MCC: variants seen among roughly 807,000 people sequenced by gnomAD.
MCC encodes MCC regulator of Wnt signaling pathway.
In MCC, 90 loss-of-function variants were observed where a neutral mutation model predicts 116.2. That is an observed-to-expected ratio of 0.77 (90% CI 0.65 to 0.92). MCC has a LOEUF of 0.92. Ranked by LOEUF, MCC falls within the 40% of genes least tolerant of loss-of-function variation. The pLI is 0.00. For synonymous variants in MCC, 578 were observed against 510.5 expected, an observed-to-expected ratio of 1.13 and a Z score of -1.78; for missense variants, 1,516 against 1,312.2, an observed-to-expected ratio of 1.16 and a Z score of -2.40.
At chr5:113,342,287 G>T (rs981647492) in intron 2 of MCC, among the ~76,000 whole-genome samples, 3 of 152,178 alleles carry the variant, frequency 2.0e-5, no homozygotes, top group African/African-American at 7.2e-5. Flanking sequence ...AGCGAATTGT[G>T]CTGGTATAAA....
intron 6 of MCC, among the ~76,000 whole-genome samples, chr5:113,116,224 G>A (rs973265757): frequency 2.6e-5 from 4 of 152,188 alleles, no homozygotes; most frequent in African/African-American, 9.7e-5. Context: ...GGATTTCCAC[G>A]CCACCAGGAG....
At chr5:113,299,514 G>C (rs1581383360) in intron 3 of MCC, among the ~76,000 whole-genome samples, 1 of 152,072 alleles carries the variant, frequency 6.6e-6, no homozygotes. Context: ...GAACAAGAAT[G>C]CAACTGGGTC....
intron 3 of MCC, among the ~76,000 whole-genome samples, chr5:113,293,097 G>C (rs1353524738): frequency 6.6e-6 from 1 of 152,078 alleles, no homozygotes; most frequent in Non-Finnish European, 1.5e-5. Flanking sequence ...TTTCAAACCG[G>C]AGCAGGAACA....
At position 113,361,173 on chromosome 5, in the gene MCC, C is replaced by CT. The variant is rs1178338497; in HGVS notation, c.416-20444dup. On this transcript the variant is annotated intron_variant, in intron 2 of 18. Transcript: ENST00000408903. ...CAATCAATCCTGGCTTTCTAATCGT[C>CT]TTTTTTTTTCTTTGACGGTTATTAG... is the stretch of plus-strand genomic sequence containing the variant. 6.7e-3 allele frequency among the ~76,000 whole-genome samples: 1,009 copies of CT among 151,036 alleles called. 8 individuals are homozygous for CT. The highest frequency in any genetic ancestry group is 0.023 in the African/African-American group (931 of 41,194).
At chr5:113,060,092 T>C (rs935031917) in intron 14 of MCC, among the ~76,000 whole-genome samples, 1 of 152,198 alleles carries the variant, frequency 6.6e-6, no homozygotes, top group Non-Finnish European at 1.5e-5. Flanking sequence ...GAAGTTTTCA[T>C]CAACATCTTA....
intron 3 of MCC, among the ~76,000 whole-genome samples, chr5:113,302,322 G>A (rs1339033768): frequency 6.6e-6 from 1 of 151,916 alleles, no homozygotes; most frequent in Non-Finnish European, 1.5e-5. Context: ...AAATGCAAAG[G>A]GAAAAAGGGA....
At chr5:113,222,620 A>C (rs1030489549) in intron 3 of MCC, among the ~76,000 whole-genome samples, 2 of 152,256 alleles carry the variant, frequency 1.3e-5, no homozygotes, top group African/African-American at 4.8e-5. Flanking sequence ...ATACATTTGT[A>C]ATGGAATGTA....
At chr5:113,433,509 G>C in intron 1 of MCC, 1 of 622,582 alleles carries the variant, frequency 1.6e-6, no homozygotes, top group South Asian at 2.0e-5. Flanking sequence ...CGCTCTGGGG[G>C]AGTAGGAGTC....
At chr5:113,198,829 C>T (rs181186642) in intron 3 of MCC, among the ~76,000 whole-genome samples, 74 of 152,130 alleles carry the variant, frequency 4.9e-4, no homozygotes, top group Non-Finnish European at 8.7e-4. Context: ...GGCGGGACCA[C>T]GTAGGCTGAG....
chr5:113,071,765 A>C (rs1445208552), intron 11 of MCC, among the ~76,000 whole-genome samples: 1 of 152,216 alleles, frequency 6.6e-6, no homozygotes, highest in Non-Finnish European at 1.5e-5. Flanking sequence ...CTGGGATTTG[A>C]ACCGGGAAGT....
chr5:113,072,292 G>A (rs1754094669), intron 11 of MCC, among the ~76,000 whole-genome samples: 1 of 152,206 alleles, frequency 6.6e-6, no homozygotes, highest in Non-Finnish European at 1.5e-5. Flanking sequence ...GAGACATCTG[G>A]TGAGTGTAGA....
At chr5:113,101,568 C>T in intron 8 of MCC, 171 bp downstream of exon 8, 1 of 632,086 alleles carries the variant, frequency 1.6e-6, no homozygotes, top group South Asian at 1.9e-5. Flanking sequence ...TACCTCTATA[C>T]CTTAGCAATT....
intron 17 of MCC, among the ~76,000 whole-genome samples, chr5:113,033,897 C>T (rs1360254507): frequency 2.0e-5 from 3 of 152,062 alleles, no homozygotes; most frequent in Non-Finnish European, 2.9e-5. Context: ...CAGGGTGGGA[C>T]TTTTAAGAGA....
At chr5:113,333,836 T>TACAC (rs372077130) in intron 3 of MCC, among the ~76,000 whole-genome samples, 2 of 59,316 alleles carry the variant, frequency 3.4e-5, no homozygotes, top group African/African-American at 1.0e-4. Flanking sequence ...TGTATATATG[T>TACAC]ATATATGTAT....
At chr5:113,217,946 C>T (rs1244710126) in intron 3 of MCC, among the ~76,000 whole-genome samples, 5 of 151,926 alleles carry the variant, frequency 3.3e-5, no homozygotes, top group African/African-American at 9.7e-5. Context: ...GGAAGTGTGC[C>T]GCACATATCC....
At chr5:113,140,828 C>T (rs1712807490) in intron 5 of MCC, among the ~76,000 whole-genome samples, 1 of 152,168 alleles carries the variant, frequency 6.6e-6, no homozygotes, top group Non-Finnish European at 1.5e-5. Flanking sequence ...TATGCTAGGG[C>T]AGTTAGAGTT....
chr5:113,241,305 G>T (rs1482202691), intron 3 of MCC, among the ~76,000 whole-genome samples: 1 of 152,310 alleles, frequency 6.6e-6, no homozygotes, highest in East Asian at 1.9e-4. Flanking sequence ...AAGGGCAAGA[G>T]ACTAGGAGGG....
chr5:113,099,875 T>C (rs985851673), intron 8 of MCC, among the ~76,000 whole-genome samples: 10 of 152,192 alleles, frequency 6.6e-5, no homozygotes, highest in Admixed American at 6.5e-4. Context: ...AGACCAACAA[T>C]TTCCCTCACA....
At chr5:113,174,899 T>G (rs1761254243) in intron 3 of MCC, among the ~76,000 whole-genome samples, 3 of 152,202 alleles carry the variant, frequency 2.0e-5, no homozygotes, top group Admixed American at 2.0e-4. Context: ...GACAGATTTT[T>G]TTTTTAAATG....
Sources: allele counts gnomAD v4.1 joint callset (sites outside exome capture counted in the v4.1 genomes callset), GRCh38; gene constraint gnomAD v4.1.1; transcripts MANE v1.5; gene names NCBI Gene and HGNC (gene_info 2026-07-23, HGNC 2026-07-21).